The following ARFGEF3 variants were observed in gnomAD, a reference collection of about 807,000 sequenced individuals.
ARFGEF3 encodes the protein brefeldin A-inhibited guanine nucleotide-exchange protein 3.
In ARFGEF3, 96 loss-of-function variants were observed where a neutral mutation model predicts 221.7. That is an observed-to-expected ratio of 0.43 (90% CI 0.37 to 0.51). ARFGEF3 has a LOEUF of 0.51. ARFGEF3 is among the 20% of genes least tolerant of loss of function. ARFGEF3 has a pLI of 0.00. For synonymous variants in ARFGEF3, 1,145 were observed against 1,126.8 expected, an observed-to-expected ratio of 1.02 and a Z score of -0.32; for missense variants, 2,410 against 2,789.9, an observed-to-expected ratio of 0.86 and a Z score of 3.07.
intron 1 of ARFGEF3, among the ~76,000 whole-genome samples, chr6:138,169,426 G>A (rs1412121328): frequency 6.6e-6 from 1 of 152,142 alleles, no homozygotes; most frequent in African/African-American, 2.4e-5. Flanking sequence ...TTATAGAGCT[G>A]GGCACTGTTA....
Position 138,334,685 on chromosome 6 carries a change from T to A in ARFGEF3, c.5839T>A (p.Ser1947Thr). ...CATCCTGCCCTCCTTCCAGTCCGAG[T>A]CATCCACCCCATCCACCGGGGGCTT... Reference protein sequence around the residue: ...FFILPSFQSESSTPSTGGFSG... With the variant: ...FFILPSFQSETSTPSTGGFSG... Residue 1947 changes from serine (S) to threonine (T), a missense_variant, in exon 33 of 34, where the codon TCA (serine) becomes ACA (threonine). This residue lies in a region of ARFGEF3 where 339 missense variants were observed against 334.9 expected (regional missense o/e 1.01). Coordinates refer to ENST00000251691, the MANE Select transcript of ARFGEF3 (RefSeq NM_020340.5). This position sits in a 1 kb window ranked among gnomAD's most constrained non-coding sequence, Gnocchi z 5.1. 1 of 1,611,514 alleles carries A rather than the reference T, an allele frequency of 6.2e-7. No homozygotes were observed. The highest frequency in any genetic ancestry group is 8.5e-7 in the Non-Finnish European group (1 of 1,178,020).
At chr6:138,177,319 A>T (rs1241357573) in intron 2 of ARFGEF3, among the ~76,000 whole-genome samples, 2 of 151,852 alleles carry the variant, frequency 1.3e-5, no homozygotes, top group Non-Finnish European at 2.9e-5. Flanking sequence ...GGGTTTCATC[A>T]TGTTGCCCAG....
chr6:138,193,751 A>G (rs1453606014), intron 2 of ARFGEF3, among the ~76,000 whole-genome samples: 2 of 152,216 alleles, frequency 1.3e-5, no homozygotes, highest in Non-Finnish European at 2.9e-5. Flanking sequence ...TACTTAATTT[A>G]TAAGAAATTA....
At position 138,280,176 on chromosome 6, in the gene ARFGEF3, G is replaced by A. The variant is rs202178513; in HGVS notation, c.2461+12G>A. ...CACAATGCTGACCGGTCAGTGGTTCGTTGCAAGGCCTTGGGGCACGTGGTA... is the reference window on the plus strand; with the variant it reads ...CACAATGCTGACCGGTCAGTGGTTCATTGCAAGGCCTTGGGGCACGTGGTA... On this transcript the variant is annotated intron_variant, in intron 14 of 33. Coordinates refer to ENST00000251691, the MANE Select transcript of ARFGEF3 (RefSeq NM_020340.5). The A allele has an allele frequency of 5.6e-5, 90 of 1,612,892 alleles. No individual in the cohort carries two copies. The highest frequency in any genetic ancestry group is 3.3e-4 in the Middle Eastern group (2 of 6,056).
intron 22 of ARFGEF3, among the ~76,000 whole-genome samples, chr6:138,305,044 C>A (rs1779694978): frequency 1.4e-5 from 2 of 146,418 alleles, no homozygotes; most frequent in South Asian, 2.2e-4. Context: ...TCTTGTTTAA[C>A]AAATTGAATA....
chr6:138,297,453 G>A (rs774372580), intron 21 of ARFGEF3, among the ~76,000 whole-genome samples: 4 of 152,210 alleles, frequency 2.6e-5, no homozygotes, highest in Non-Finnish European at 4.4e-5. Flanking sequence ...CGTGTGATCA[G>A]TTTTATGGCA....
At chr6:138,240,803 T>C (rs1236281702) in intron 6 of ARFGEF3, among the ~76,000 whole-genome samples, 1 of 152,002 alleles carries the variant, frequency 6.6e-6, no homozygotes, top group Non-Finnish European at 1.5e-5. Flanking sequence ...AATTTACGTA[T>C]TTTTTTTAAA....
chr6:138,175,100 T>C (rs1776913256), intron 2 of ARFGEF3, among the ~76,000 whole-genome samples: 1 of 152,220 alleles, frequency 6.6e-6, no homozygotes, highest in South Asian at 2.1e-4. Flanking sequence ...TACTTATTTG[T>C]GCTCAAGGCT....
chr6:138,336,551 T>G lies in ARFGEF3; in HGVS notation c.*65T>G. On this transcript the variant is annotated 3_prime_UTR_variant, in exon 34 of 34. Transcript: ENST00000251691. ...AGGGTTAGAGTCCTGCCAATACAGC[T>G]GTTGCATTTTCCCCACCACTAGCCC... 1 of 1,344,392 alleles carries G rather than the reference T, an allele frequency of 7.4e-7. No individual in the cohort carries two copies. The highest frequency in any genetic ancestry group is 1.0e-6 in the Non-Finnish European group (1 of 981,686). The allele number at this position is 1,344,392 out of a possible 1,614,324, so 83.3% of individuals were successfully genotyped here. A position where few individuals can be genotyped will look rare whatever the true frequency, so the allele number is the denominator to read the frequency against.
chr6:138,322,391 G>A (rs113787482), intron 29 of ARFGEF3, among the ~76,000 whole-genome samples: 8 of 151,984 alleles, frequency 5.3e-5, no homozygotes, highest in South Asian at 2.1e-4. Flanking sequence ...TACCTCTCAC[G>A]GGGTCCCTCC....
At chr6:138,303,539 T>C (rs1443724689) in intron 22 of ARFGEF3, among the ~76,000 whole-genome samples, 2 of 152,110 alleles carry the variant, frequency 1.3e-5, no homozygotes, top group Non-Finnish European at 2.9e-5. Flanking sequence ...GCACAGTGGC[T>C]CACTCCTGTA....
At position 138,316,740 on chromosome 6, in the gene ARFGEF3, CTG is replaced by C. The variant is rs376093892; in HGVS notation, c.4346-509_4346-508del. The stretch of plus-strand genomic sequence containing the variant: ...TGGAGCGAGGAAGAAAGGAGAGTAA[CTG>C]TTTAATAGCTCCAGGGTTTCTGTTT... On this transcript the variant is annotated intron_variant, in intron 26 of 33. Transcript: ENST00000251691. Among the ~76,000 whole-genome samples, 551 of 152,298 alleles carry C rather than the reference CTG, an allele frequency of 3.6e-3. 1 individual carries two copies. Among genetic ancestry groups the C allele is most frequent in the African/African-American group, 0.013 (536 of 41,550 alleles).
In ARFGEF3 at chr6:138,303,870, A is replaced by AAAT. The variant is rs1289999893; in HGVS notation, c.3829-3381_3829-3380insTAA. On this transcript the variant is annotated intron_variant, in intron 22 of 33. Transcript: ENST00000251691. ...AGTGAGACTCCGTCTCAAAAAAAAAAAAAAAAAAAAAAAAAAAAGATAATA... is the reference window on the plus strand; with the variant it reads ...AGTGAGACTCCGTCTCAAAAAAAAAAAATAAAAAAAAAAAAAAAAAAGATAATA... Among the ~76,000 whole-genome samples, 444 of 148,516 alleles carry AAAT rather than the reference A, an allele frequency of 3.0e-3. 9 individuals are homozygous for AAAT. The highest frequency in any genetic ancestry group is 5.0e-3 in the Non-Finnish European group (333 of 66,964).
chr6:138,303,326 GAACA>G (rs1284730775), intron 22 of ARFGEF3, among the ~76,000 whole-genome samples: 2 of 152,100 alleles, frequency 1.3e-5, no homozygotes, highest in Non-Finnish European at 2.9e-5. Flanking sequence ...AGGAACAGAG[GAACA>G]AAAAGGATGT....
chr6:138,336,354 C>G lies in ARFGEF3; in HGVS notation c.6402C>G (p.Thr2134=). The change falls in exon 34 of 34, where the codon ACC becomes ACG. Residue 2134 remains threonine, a synonymous_variant. Coordinates refer to ENST00000251691, the MANE Select transcript of ARFGEF3 (RefSeq NM_020340.5). The part of the protein sequence containing the change: ...LNQIQILPDQ[T]FTALQPAVFP... The stretch of plus-strand genomic sequence containing the variant: ...AGATTCAGATTCTCCCAGACCAGAC[C>G]TTCACGGCCCTCCAGCCCGCAGTGT... 6.2e-7 allele frequency: 1 copy of G among 1,611,488 alleles called. No individual in the cohort carries two copies. The highest frequency in any genetic ancestry group is 8.5e-7 in the Non-Finnish European group (1 of 1,178,944).
intron 22 of ARFGEF3, among the ~76,000 whole-genome samples, chr6:138,303,365 A>G (rs2114653732): frequency 6.6e-6 from 1 of 152,394 alleles, no homozygotes; most frequent in South Asian, 2.1e-4. Flanking sequence ...CAGAAAACAT[A>G]TAGCAAATGC....
At chr6:138,177,057 CTTTATTTAT>C (rs1677013157) in intron 2 of ARFGEF3, among the ~76,000 whole-genome samples, 1 of 146,174 alleles carries the variant, frequency 6.8e-6, no homozygotes, top group African/African-American at 2.5e-5. Context: ...TTCACTTTTA[CTTTATTTAT>C]TTATTTATTT....
intron 2 of ARFGEF3, among the ~76,000 whole-genome samples, chr6:138,201,406 C>T (rs1777533799): frequency 6.6e-6 from 1 of 152,146 alleles, no homozygotes; most frequent in African/African-American, 2.4e-5. Flanking sequence ...ATTGCAAAAT[C>T]GTGGAACCAA....
At chr6:138,265,040 A>G (rs181096191) in intron 12 of ARFGEF3, among the ~76,000 whole-genome samples, 300 of 151,774 alleles carry the variant, frequency 2.0e-3, no homozygotes, top group African/African-American at 6.5e-3. Flanking sequence ...AGTAGCTGGG[A>G]CTACAGGCGC....
Sources: allele counts gnomAD v4.1 joint callset (sites outside exome capture counted in the v4.1 genomes callset), GRCh38; gene constraint gnomAD v4.1.1; regional missense constraint gnomAD v4.1.1; non-coding constraint Gnocchi (gnomAD v3.1); transcripts MANE v1.5; gene names NCBI Gene and HGNC (gene_info 2026-07-23, HGNC 2026-07-21).